NKAIN1: variants seen among roughly 807,000 people sequenced by gnomAD.
NKAIN1 encodes the protein sodium/potassium transporting ATPase interacting 1.
NKAIN1 carries 13 observed loss-of-function variants against 31.6 expected under a neutral mutation model. The ratio of observed to expected loss-of-function variants is 0.41; its 90% confidence interval spans 0.27 to 0.65. The LOEUF (loss-of-function observed/expected upper bound fraction) is 0.65. Ranked by LOEUF, NKAIN1 falls within the 30% of genes least tolerant of loss-of-function variation. NKAIN1 has a pLI of 0.30. For missense variants in NKAIN1, 193 were observed against 262.2 expected (o/e 0.74, Z 1.82); for synonymous variants, 104 against 109.0 (o/e 0.95, Z 0.28).
intron 1 of NKAIN1, among the ~76,000 whole-genome samples, chr1:31,237,068 C>A (rs1006569382): frequency 6.6e-6 from 1 of 152,058 alleles, no homozygotes; most frequent in Non-Finnish European, 1.5e-5. Context: ...GCCTGGGCAA[C>A]AAGAGTGAGA....
intron 1 of NKAIN1, among the ~76,000 whole-genome samples, chr1:31,192,281 C>T (rs1200996423): frequency 6.6e-6 from 1 of 152,206 alleles, no homozygotes; most frequent in African/African-American, 2.4e-5. Flanking sequence ...CTATAACCAG[C>T]TAGACCCATT....
intron 1 of NKAIN1, among the ~76,000 whole-genome samples, chr1:31,224,130 G>A (rs7546080): frequency 0.32 from 48,104 of 152,000 alleles, 9,653 homozygotes; most frequent in African/African-American, 0.57. Context: ...GCTCCATGGG[G>A]TGAGTAGGAG....
chr1:31,188,089 G>T lies in NKAIN1; in HGVS notation c.153C>A (p.Ile51=), dbSNP rs143336915. The change falls in exon 2 of 7, where the codon ATC becomes ATA. Residue 51 remains isoleucine, a synonymous_variant. Transcript: ENST00000373736. ...FLHIMAVILG[I]FGTVQYRSRY... is the part of the protein sequence containing the mutation. ...GGGAGCGGTACTGCACGGTGCCAAA[G>T]ATGCCCAGGATGACTGCCATGATGT... The T allele has an allele frequency of 1.3e-6, 2 of 1,553,632 alleles. No homozygotes were observed. The highest frequency in any genetic ancestry group is 2.4e-5 in the South Asian group (2 of 84,126).
At chr1:31,218,603 G>A (rs1645536082) in intron 1 of NKAIN1, among the ~76,000 whole-genome samples, 1 of 152,194 alleles carries the variant, frequency 6.6e-6, no homozygotes, top group Admixed American at 6.5e-5. Flanking sequence ...TGCAAAATGG[G>A]AGGAAATCTT....
intron 1 of NKAIN1, among the ~76,000 whole-genome samples, chr1:31,206,237 A>AAAATAAATAAATAAATAAATAATAAAT (rs370910970): frequency 1.5e-5 from 2 of 130,876 alleles, no homozygotes; most frequent in East Asian, 2.3e-4. Context: ...CTCCATCTCA[A>AAAATAAATAAATAAATAAATAATAAAT]AAATAAATAA....
rs1444593737 is a variant in NKAIN1 at position 31,239,639 on chromosome 1, C to T, written c.-92G>A. On this transcript the variant is annotated 5_prime_UTR_variant, in exon 1 of 7. Transcript: ENST00000373736. The surrounding 1 kb of genome is among the most constrained non-coding windows in gnomAD (Gnocchi z 4.8). ...CGCCGCGCGGGCTCCACGTCCTCCC[C>T]GCTGGGCGCGCCGGGCGGCGGGGCC... 1.4e-5 allele frequency: 9 copies of T among 660,404 alleles called. No individual in the cohort carries two copies. In the South Asian group the frequency reaches 2.0e-4, roughly 15 times the overall value. The allele number at this position is 660,404 out of a possible 1,614,324, so 40.9% of individuals were successfully genotyped here. A position where few individuals can be genotyped will look rare whatever the true frequency, so the allele number is the denominator to read the frequency against.
At chr1:31,204,115 G>T (rs1451188669) in intron 1 of NKAIN1, among the ~76,000 whole-genome samples, 1 of 152,070 alleles carries the variant, frequency 6.6e-6, no homozygotes, top group Non-Finnish European at 1.5e-5. Context: ...ATATGGAGAG[G>T]GTATGGACAG....
intron 1 of NKAIN1, among the ~76,000 whole-genome samples, chr1:31,237,266 C>T (rs754981009): frequency 5.3e-5 from 8 of 152,074 alleles, no homozygotes; most frequent in Admixed American, 1.3e-4. Flanking sequence ...AAAACAAAAA[C>T]AAAACCCCCA....
At chr1:31,230,359 G>A (rs1485987827) in intron 1 of NKAIN1, among the ~76,000 whole-genome samples, 2 of 152,210 alleles carry the variant, frequency 1.3e-5, no homozygotes, top group Admixed American at 6.5e-5. Context: ...CAGCTACAAA[G>A]AGGCAAAGCT....
intron 1 of NKAIN1, among the ~76,000 whole-genome samples, chr1:31,217,368 G>A (rs1645521522): frequency 1.3e-5 from 2 of 152,124 alleles, no homozygotes; most frequent in African/African-American, 4.8e-5. Context: ...GTCTCACTAT[G>A]TTGTCCAAGC....
At chr1:31,230,618 G>A (rs78042054) in intron 1 of NKAIN1, among the ~76,000 whole-genome samples, 2,206 of 152,246 alleles carry the variant, frequency 0.014, 69 homozygotes, top group African/African-American at 0.05. Context: ...TCCAGGCCAG[G>A]GCAGGGAAAG....
In NKAIN1 at chr1:31,225,503, A is replaced by G. The variant is rs1034230492; in HGVS notation, c.54+13991T>C. 3.6e-4 allele frequency among the ~76,000 whole-genome samples: 55 copies of G among 151,562 alleles called. 1 individual carries two copies. The highest frequency in any genetic ancestry group is 3.4e-3 in the Middle Eastern group (1 of 292). ...ACCGACATGCCTGGCTAATTTTTGT[A>G]TTTTTAGTAGAGACAGGGTTTGCAC... On this transcript the variant is annotated intron_variant, in intron 1 of 6. Transcript: ENST00000373736.
intron 2 of NKAIN1, among the ~76,000 whole-genome samples, chr1:31,185,856 G>A (rs1405615701): frequency 6.6e-6 from 1 of 152,152 alleles, no homozygotes; most frequent in Non-Finnish European, 1.5e-5. Context: ...AGCCACTAGA[G>A]GGCGAGGACT....
chr1:31,197,550 T>TTTTTTC lies in NKAIN1; in HGVS notation c.55-9364_55-9363insGAAAAA, dbSNP rs1452186776. Among the ~76,000 whole-genome samples, 4 of 143,876 alleles carry TTTTTTC rather than the reference T, an allele frequency of 2.8e-5. No homozygotes were observed. The South Asian group carries it at 6.9e-4, about 25-fold the overall frequency. 94.4% of individuals were successfully genotyped at this position (143,876 alleles called of 152,430 possible). ...CATGAGCCACCGTGCCCGGCCTTTTTTTTTTTTTTTCCCTGAGATGGAGTC... is the reference window on the plus strand; with the variant it reads ...CATGAGCCACCGTGCCCGGCCTTTTTTTTTTCTTTTTTTTTTCCCTGAGATGGAGTC... On this transcript the variant is annotated intron_variant, in intron 1 of 6. Transcript: ENST00000373736.
At chr1:31,226,845 A>T (rs1174671112) in intron 1 of NKAIN1, among the ~76,000 whole-genome samples, 1 of 150,866 alleles carries the variant, frequency 6.6e-6, no homozygotes, top group Non-Finnish European at 1.5e-5. Flanking sequence ...TTTTCTGGAG[A>T]TACAGTCTTG....
Position 31,225,325 on chromosome 1 carries a change from CTTTTTTT to C in NKAIN1, c.54+14162_54+14168del, listed in dbSNP as rs139451212. On this transcript the variant is annotated intron_variant, in intron 1 of 6. Coordinates refer to ENST00000373736, the MANE Select transcript of NKAIN1 (RefSeq NM_024522.3). ...ACAGGCATAAGCCACCATGCCCGGCCTTTTTTTTTTTTTTTTTTTTTTTTTTAAAGAC... is the reference window on the plus strand; with the variant it reads ...ACAGGCATAAGCCACCATGCCCGGCCTTTTTTTTTTTTTTTTTTTAAAGAC... Among the ~76,000 whole-genome samples, 2 of 52,164 alleles carry C rather than the reference CTTTTTTT, an allele frequency of 3.8e-5. 1 individual carries two copies. Among genetic ancestry groups the C allele is most frequent in the Admixed American group, 6.5e-4 (2 of 3,054 alleles). The allele number at this position is 52,164 out of a possible 152,430, so 34.2% of individuals were successfully genotyped here.
At chr1:31,195,020 C>A (rs912864433) in intron 1 of NKAIN1, among the ~76,000 whole-genome samples, 1 of 151,800 alleles carries the variant, frequency 6.6e-6, no homozygotes, top group Non-Finnish European at 1.5e-5. Context: ...AGCCACCCGC[C>A]GCAGCCTCCC....
chr1:31,224,333 T>C (rs2148365057), intron 1 of NKAIN1, among the ~76,000 whole-genome samples: 1 of 152,350 alleles, frequency 6.6e-6, no homozygotes, highest in Middle Eastern at 3.4e-3. Flanking sequence ...GGATGTTTAT[T>C]GATCCACAAA....
At chr1:31,206,076 A>G (rs1645421610) in intron 1 of NKAIN1, among the ~76,000 whole-genome samples, 2 of 149,806 alleles carry the variant, frequency 1.3e-5, no homozygotes, top group Non-Finnish European at 3.0e-5. Context: ...CTCTACTAAA[A>G]ATACAAAAAT....
Sources: gnomAD v4.1 joint callset for allele counts (sites outside exome capture counted in the v4.1 genomes callset) on GRCh38, gnomAD v4.1.1 for gene constraint, Gnocchi (gnomAD v3.1) non-coding constraint, MANE v1.5 for transcripts, NCBI Gene and HGNC (gene_info 2026-07-23, HGNC 2026-07-21) for gene names.